The following ADAMTSL3 variants were observed in gnomAD, a reference collection of about 807,000 sequenced individuals.
ADAMTSL3 encodes ADAMTS like 3.
Under a neutral mutation model 201.7 loss-of-function variants are expected in ADAMTSL3, and 128 were observed. That is an observed-to-expected ratio of 0.63 (90% CI 0.55 to 0.73). ADAMTSL3 has a LOEUF of 0.73. Ranked by LOEUF, ADAMTSL3 falls within the 30% of genes least tolerant of loss-of-function variation. The probability of loss-of-function intolerance (pLI) is 0.00; values close to 1 mark genes in which losing one functional copy is unlikely to be tolerated. For missense variants in ADAMTSL3, 1,990 were observed against 2,119.6 expected, an observed-to-expected ratio of 0.94 and a Z score of 1.20; for synonymous variants, 738 against 748.4, an observed-to-expected ratio of 0.99 and a Z score of 0.23.
intron 17 of ADAMTSL3, among the ~76,000 whole-genome samples, chr15:83,936,058 AGAAT>A (rs1213266643): frequency 2.6e-5 from 4 of 152,122 alleles, no homozygotes; most frequent in Non-Finnish European, 4.4e-5. Context: ...CTGAGATATA[AGAAT>A]GAATGATGAC....
At chr15:83,735,162 C>A (rs1426998355) in intron 3 of ADAMTSL3, among the ~76,000 whole-genome samples, 1 of 151,914 alleles carries the variant, frequency 6.6e-6, no homozygotes, top group Admixed American at 6.6e-5. Context: ...ATAAAATAAA[C>A]CAGAAGTAGG....
intron 7 of ADAMTSL3, among the ~76,000 whole-genome samples, chr15:83,850,117 G>A (rs2064579883): frequency 6.6e-6 from 1 of 151,802 alleles, no homozygotes; most frequent in South Asian, 2.1e-4. Context: ...AAAAATCCAA[G>A]TAAAACAGAA....
intron 3 of ADAMTSL3, among the ~76,000 whole-genome samples, chr15:83,733,081 T>G (rs2062308505): frequency 6.6e-6 from 1 of 152,176 alleles, no homozygotes; most frequent in Non-Finnish European, 1.5e-5. Context: ...TTTTCTGCGT[T>G]TCATTAAATT....
At chr15:83,904,398 G>T (rs1039988637) in intron 15 of ADAMTSL3, among the ~76,000 whole-genome samples, 3 of 152,228 alleles carry the variant, frequency 2.0e-5, no homozygotes, top group African/African-American at 7.2e-5. Context: ...TTTGTGGTTT[G>T]GGGATGCTTG....
rs1567169750 is a variant in ADAMTSL3, at chr15:83,823,949, CTTCTTCTTCTTCTTCTTCTTCTT to C, written c.600+3903_600+3925del. Among the ~76,000 whole-genome samples the C allele has an allele frequency of 2.6e-3, 247 of 95,380 alleles. 11 individuals carry two copies. The East Asian group carries it at 0.028, about 11-fold the overall frequency. The allele number at this position is 95,380 out of a possible 152,430, so 62.6% of individuals were successfully genotyped here. On this transcript the variant is annotated intron_variant, in intron 6 of 29. Coordinates refer to ENST00000286744, the MANE Select transcript of ADAMTSL3 (RefSeq NM_207517.3). ...TCTTCTTCTTCTTCTTCTTCTTCTT[CTTCTTCTTCTTCTTCTTCTTCTT>C]CTCCTCCTCCTCCTCCTCCTTCTCC...
At chr15:83,773,745 A>G (rs2063026700) in intron 4 of ADAMTSL3, 95 bp downstream of exon 4, 1 of 1,426,464 alleles carries the variant, frequency 7.0e-7, no homozygotes, top group South Asian at 1.4e-5. Flanking sequence ...TTTGGAATGT[A>G]CTGTGATGAT....
chr15:83,736,394 A>T (rs2062370187), intron 3 of ADAMTSL3, among the ~76,000 whole-genome samples: 1 of 152,082 alleles, frequency 6.6e-6, no homozygotes, highest in Non-Finnish European at 1.5e-5. Context: ...GGCAAATCTC[A>T]TGAAATGACC....
intron 5 of ADAMTSL3, among the ~76,000 whole-genome samples, chr15:83,819,259 G>A (rs1333015924): frequency 5.7e-5 from 7 of 121,980 alleles, no homozygotes; most frequent in East Asian, 2.5e-4. Context: ...GTGACACTCC[G>A]TCTCAAAAAA....
chr15:83,840,718 C>CA (rs1248143370), intron 7 of ADAMTSL3, among the ~76,000 whole-genome samples: 2 of 152,114 alleles, frequency 1.3e-5, no homozygotes, highest in African/African-American at 4.8e-5. Context: ...ATGGAGGTTC[C>CA]AATTTTTGGA....
chr15:83,913,104 A>G lies in ADAMTSL3; in HGVS notation c.1713A>G (p.Glu571=), dbSNP rs1336266613. The G allele has an allele frequency of 1.2e-6, 2 of 1,613,684 alleles. No individual in the cohort carries two copies. The highest frequency in any genetic ancestry group is 1.7e-6 in the Non-Finnish European group (2 of 1,179,984). ...TGGTTTTCCCTAGGTTCATTCCAGA[A>G]CCCTGGTCAGCCTGCAGTACCACGT... is the stretch of plus-strand genomic sequence containing the variant. ...IATEEPTFIP[E]PWSACSTTCG... Residue 571 remains glutamate (E), a synonymous_variant, in exon 16 of 30, where the codon GAA becomes GAG. Transcript: ENST00000286744.
chr15:83,939,449 T>C (rs1191742767), intron 17 of ADAMTSL3, among the ~76,000 whole-genome samples: 2 of 152,170 alleles, frequency 1.3e-5, no homozygotes, highest in African/African-American at 2.4e-5. Flanking sequence ...TAGGAATTTT[T>C]TCAGTTCATG....
chr15:83,761,606 ATCAGACTTTTAAAT>A (rs2062809578), intron 3 of ADAMTSL3, among the ~76,000 whole-genome samples: 1 of 152,166 alleles, frequency 6.6e-6, no homozygotes, highest in Admixed American at 6.5e-5. Context: ...ATTCCTCTCC[ATCAGACTTTTAAAT>A]TTGGCAACCT....
chr15:84,025,561 A>T, intron 27 of ADAMTSL3, 125 bp downstream of exon 27: 1 of 864,102 alleles, frequency 1.2e-6, no homozygotes, highest in Non-Finnish European at 1.8e-6. Context: ...GGTCTCTGAA[A>T]TGAATGTATG....
At chr15:83,909,773 C>G (rs1364868743) in intron 15 of ADAMTSL3, among the ~76,000 whole-genome samples, 2 of 151,996 alleles carry the variant, frequency 1.3e-5, no homozygotes, top group African/African-American at 2.4e-5. Context: ...CACCACCATG[C>G]CTGGCTAATT....
chr15:83,758,737 C>T (rs1312183266), intron 3 of ADAMTSL3, among the ~76,000 whole-genome samples: 1 of 152,054 alleles, frequency 6.6e-6, no homozygotes, highest in African/African-American at 2.4e-5. Context: ...GTCTTTTGCC[C>T]AATTTTTAAC....
At chr15:83,823,899 T>C (rs1227237544) in intron 6 of ADAMTSL3, among the ~76,000 whole-genome samples, 5 of 20,022 alleles carry the variant, frequency 2.5e-4, no homozygotes, top group Admixed American at 7.5e-4. Context: ...CTTCCTCTTC[T>C]TCTTCTTCTT....
At chr15:83,774,008 T>C (rs1322137392) in intron 4 of ADAMTSL3, among the ~76,000 whole-genome samples, 1 of 152,220 alleles carries the variant, frequency 6.6e-6, no homozygotes, top group African/African-American at 2.4e-5. Context: ...TGTTCATCTA[T>C]TCTGAGCAAC....
intron 3 of ADAMTSL3, among the ~76,000 whole-genome samples, chr15:83,711,138 G>C (rs769047335): frequency 4.7e-4 from 71 of 151,790 alleles, no homozygotes; most frequent in South Asian, 1.0e-3. Context: ...TTTAACTATT[G>C]ATTTATGCAT....
chr15:83,731,645 G>A (rs533650458), intron 3 of ADAMTSL3, among the ~76,000 whole-genome samples: 2 of 152,032 alleles, frequency 1.3e-5, no homozygotes, highest in Admixed American at 6.6e-5. Flanking sequence ...GCCAAGATAT[G>A]GCAATAACTT....
Sources: allele counts gnomAD v4.1 joint callset (sites outside exome capture counted in the v4.1 genomes callset), GRCh38; gene constraint gnomAD v4.1.1; transcripts MANE v1.5; gene names NCBI Gene and HGNC (gene_info 2026-07-23, HGNC 2026-07-21).